Variants in ANKS1B observed in about 807,000 individuals in gnomAD.
ANKS1B encodes ankyrin repeat and sterile alpha motif domain-containing protein 1B.
Under a neutral mutation model 148.3 loss-of-function variants are expected in ANKS1B, and 36 were observed. That is an observed-to-expected ratio of 0.24 (90% CI 0.19 to 0.32). ANKS1B has a LOEUF of 0.32. ANKS1B is among the 10% of genes least tolerant of loss of function. ANKS1B has a pLI of 1.00. For missense variants in ANKS1B, 1,157 were observed against 1,542.6 expected, an observed-to-expected ratio of 0.75 and a Z score of 4.19; for synonymous variants, 542 against 560.8, an observed-to-expected ratio of 0.97 and a Z score of 0.47.
At chr12:98,933,911 C>T (rs991071407) in intron 17 of ANKS1B, among the ~76,000 whole-genome samples, 2 of 151,828 alleles carry the variant, frequency 1.3e-5, no homozygotes, top group Non-Finnish European at 2.9e-5. Flanking sequence ...AGAATAACCT[C>T]GTATCTGATA....
intron 12 of ANKS1B, among the ~76,000 whole-genome samples, chr12:99,294,736 C>G (rs1407933991): frequency 6.6e-6 from 1 of 152,032 alleles, no homozygotes; most frequent in Non-Finnish European, 1.5e-5. Context: ...TCACCACAAT[C>G]CCCGCCTTCC....
chr12:99,093,917 GAGT>G (rs1191382470), intron 15 of ANKS1B, among the ~76,000 whole-genome samples: 1 of 152,160 alleles, frequency 6.6e-6, no homozygotes, highest in South Asian at 2.1e-4. Context: ...GTGGTGAAGG[GAGT>G]AGAATTTCCT....
intron 14 of ANKS1B, among the ~76,000 whole-genome samples, chr12:99,222,073 T>TA (rs746784090): frequency 4.3e-4 from 65 of 152,188 alleles, no homozygotes; most frequent in Non-Finnish European, 7.5e-4. Context: ...ATTAATGGGT[T>TA]AAAAAAACAA....
At chr12:99,981,326 G>A (rs2095699415) in intron 1 of ANKS1B, among the ~76,000 whole-genome samples, 1 of 152,000 alleles carries the variant, frequency 6.6e-6, no homozygotes, top group South Asian at 2.1e-4. Context: ...AAATTGCAGT[G>A]CCACCCAAAA....
At chr12:99,847,751 C>T (rs190184282) in intron 1 of ANKS1B, among the ~76,000 whole-genome samples, 1 of 152,222 alleles carries the variant, frequency 6.6e-6, no homozygotes, top group East Asian at 1.9e-4. Flanking sequence ...TCTTGTTAAC[C>T]TATCTTTAGT....
chr12:99,945,478 T>C (rs2095038474), intron 1 of ANKS1B, among the ~76,000 whole-genome samples: 1 of 152,170 alleles, frequency 6.6e-6, no homozygotes, highest in African/African-American at 2.4e-5. Flanking sequence ...TTTGTAGTAG[T>C]AGATGATCCT....
intron 8 of ANKS1B, among the ~76,000 whole-genome samples, chr12:99,702,783 T>C (rs948360716): frequency 1.6e-4 from 20 of 127,946 alleles, no homozygotes; most frequent in Non-Finnish European, 3.0e-4. Flanking sequence ...TTGATGTGAT[T>C]ACATTTGTCC....
intron 17 of ANKS1B, among the ~76,000 whole-genome samples, chr12:98,962,939 C>T (rs766983059): frequency 2.6e-5 from 4 of 151,990 alleles, no homozygotes; most frequent in African/African-American, 7.2e-5. Context: ...CGGGATACAG[C>T]GAAGCCAGTA....
intron 2 of ANKS1B, among the ~76,000 whole-genome samples, chr12:99,816,962 T>A (rs545346552): frequency 6.6e-6 from 1 of 151,866 alleles, no homozygotes; most frequent in South Asian, 2.1e-4. Flanking sequence ...GCATACAATG[T>A]GTAATGACTA....
At chr12:98,795,032 C>T (rs1204244618) in intron 22 of ANKS1B, 2 of 722,944 alleles carry the variant, frequency 2.8e-6, no homozygotes, top group Admixed American at 2.2e-5. Flanking sequence ...CTTGAAACTG[C>T]TAAATTATTA....
At chr12:98,899,673 T>A (rs886121726) in intron 17 of ANKS1B, among the ~76,000 whole-genome samples, 6 of 152,214 alleles carry the variant, frequency 3.9e-5, no homozygotes, top group Non-Finnish European at 8.8e-5. Flanking sequence ...CACAATCATG[T>A]AAGCCAATTC....
In ANKS1B at chr12:98,844,838, T is replaced by G. The variant is rs538162655; in HGVS notation, c.2779-12702A>C. On this transcript the variant is annotated intron_variant, in intron 17 of 26. Coordinates refer to ENST00000683438, the MANE Select transcript of ANKS1B (RefSeq NM_001352186.2). The stretch of plus-strand genomic sequence containing the variant: ...GACATAAGAAGAATACTTATCAGAT[T>G]TTTCAATGACATAAAACTGTGAAAA... Among the ~76,000 whole-genome samples, 27 of 152,302 alleles carry G rather than the reference T, an allele frequency of 1.8e-4. No individual in the cohort carries two copies. In the South Asian group the frequency reaches 2.3e-3, roughly 13 times the overall value.
chr12:99,664,372 ATTT>A (rs2098495070), intron 8 of ANKS1B, among the ~76,000 whole-genome samples: 1 of 152,074 alleles, frequency 6.6e-6, no homozygotes, highest in African/African-American at 2.4e-5. Context: ...CTTTAATAGA[ATTT>A]TTATTTAAAT....
At chr12:99,319,964 T>C (rs2084923367) in intron 12 of ANKS1B, among the ~76,000 whole-genome samples, 1 of 152,214 alleles carries the variant, frequency 6.6e-6, no homozygotes, top group African/African-American at 2.4e-5. Context: ...TTAGTTTGGC[T>C]GGATATGAAA....
intron 9 of ANKS1B, among the ~76,000 whole-genome samples, chr12:98,737,229 A>ACTT (rs1268195075): frequency 6.6e-6 from 1 of 151,976 alleles, no homozygotes; most frequent in Non-Finnish European, 1.5e-5. Context: ...ATCACATTAA[A>ACTT]CTTCTCTGTT....
chr12:99,228,283 A>G (rs1278651541), intron 14 of ANKS1B, among the ~76,000 whole-genome samples: 1 of 152,146 alleles, frequency 6.6e-6, no homozygotes, highest in Non-Finnish European at 1.5e-5. Context: ...ATTTTGTTTC[A>G]TAAGTTATTT....
In ANKS1B at chr12:99,169,752, T is replaced by C. The variant is rs1345011021; in HGVS notation, c.2420-15357A>G. ...TTATTTTACAGTAAACTAGTAGTACTATTGTTATCATCTCCTTTTATAGGG... is the reference window on the plus strand; with the variant it reads ...TTATTTTACAGTAAACTAGTAGTACCATTGTTATCATCTCCTTTTATAGGG... On this transcript the variant is annotated intron_variant, in intron 14 of 26. Coordinates refer to ENST00000683438, the MANE Select transcript of ANKS1B (RefSeq NM_001352186.2). Among the ~76,000 whole-genome samples, 3 of 152,364 alleles carry C rather than the reference T, an allele frequency of 2.0e-5. No homozygotes were observed. The East Asian group carries it at 5.8e-4, about 29-fold the overall frequency.
intron 17 of ANKS1B, among the ~76,000 whole-genome samples, chr12:99,010,371 G>A (rs2099938611): frequency 6.6e-6 from 1 of 152,192 alleles, no homozygotes; most frequent in South Asian, 2.1e-4. Context: ...ACATGGCATA[G>A]AGTAAATGCT....
chr12:99,735,838 G>A (rs2059571069), intron 8 of ANKS1B, among the ~76,000 whole-genome samples: 2 of 136,738 alleles, frequency 1.5e-5, no homozygotes, highest in Admixed American at 7.6e-5. Context: ...TATCCCTGAA[G>A]GACATAGACA....
Sources: gnomAD v4.1 joint callset for allele counts (sites outside exome capture counted in the v4.1 genomes callset) on GRCh38, gnomAD v4.1.1 for gene constraint, MANE v1.5 for transcripts, NCBI Gene and HGNC (gene_info 2026-07-23, HGNC 2026-07-21) for gene names.